The following MAST4 variants were observed in gnomAD, a reference collection of about 807,000 sequenced individuals.
MAST4 encodes microtubule-associated serine/threonine-protein kinase 4.
Under a neutral mutation model 162.7 loss-of-function variants are expected in MAST4, and 89 were observed. That is an observed-to-expected ratio of 0.55 (90% CI 0.46 to 0.65). The LOEUF is 0.65. MAST4 is among the 30% of genes least tolerant of loss of function. The pLI, the probability that MAST4 is intolerant of heterozygous loss-of-function variation, is 0.00. For synonymous variants in MAST4, 1,479 were observed against 1,361.1 expected (o/e 1.09, Z -1.91); for missense variants, 3,153 against 3,374.0 (o/e 0.93, Z 1.62).
At chr5:66,697,187 G>T (rs1202999163) in intron 1 of MAST4, among the ~76,000 whole-genome samples, 1 of 152,102 alleles carries the variant, frequency 6.6e-6, no homozygotes, top group Non-Finnish European at 1.5e-5. Flanking sequence ...TGAAAATTAG[G>T]GTTTTGGAAA....
At chr5:66,788,839 C>A (rs766386613) in intron 3 of MAST4, 45 bp downstream of exon 3, 3 of 1,503,896 alleles carry the variant, frequency 2.0e-6, no homozygotes, top group South Asian at 1.4e-5. Flanking sequence ...AGCTCACCAC[C>A]TCTCTAGGGA....
intron 4 of MAST4, among the ~76,000 whole-genome samples, chr5:67,003,001 A>T (rs976664942): frequency 3.3e-5 from 5 of 150,738 alleles, no homozygotes; most frequent in Admixed American, 2.0e-4. Flanking sequence ...CCAATGCTCA[A>T]GAAAGCTCCT....
rs1742205904 is a variant in MAST4 at position 66,596,798 on chromosome 5, T to C, written c.143T>C (p.Leu48Pro). The stretch of plus-strand genomic sequence containing the variant: ...GAGTCCTCCTCGGGCTCAGAAACTC[T>C]GTCGGAGGAAGGGGAGCCCGGCGGC... ...SAESSSGSETLSEEGEPGGFS... is the reference protein window; with the variant it reads ...SAESSSGSETPSEEGEPGGFS... Residue 48 changes from leucine to proline, a missense_variant, in exon 1 of 29, where the codon CTG (leucine) becomes CCG (proline). By Grantham distance (98) the Leu-to-Pro change is moderately conservative. This residue lies in a region of MAST4 where 327 missense variants were observed against 336.5 expected (regional missense o/e 0.97). Coordinates refer to ENST00000403625, the MANE Select transcript of MAST4 (RefSeq NM_001164664.2). The C allele has an allele frequency of 1.5e-6, 2 of 1,334,948 alleles. No homozygotes were observed. Among genetic ancestry groups the C allele is most frequent in the Non-Finnish European group, 9.6e-7 (1 of 1,039,850 alleles). The allele number at this position is 1,334,948 out of a possible 1,614,324, so 82.7% of individuals were successfully genotyped here.
At chr5:66,637,006 G>C (rs1268703115) in intron 1 of MAST4, among the ~76,000 whole-genome samples, 1 of 152,216 alleles carries the variant, frequency 6.6e-6, no homozygotes, top group Non-Finnish European at 1.5e-5. Context: ...ATGACCTGGA[G>C]ATAATGCCAC....
intron 5 of MAST4, among the ~76,000 whole-genome samples, chr5:67,055,501 G>A (rs1190784339): frequency 6.6e-6 from 1 of 152,186 alleles, no homozygotes; most frequent in African/African-American, 2.4e-5. Flanking sequence ...TTCAAGTTGA[G>A]ATTGGGAGTT....
At chr5:66,640,248 C>T (rs1745399695) in intron 1 of MAST4, among the ~76,000 whole-genome samples, 1 of 151,672 alleles carries the variant, frequency 6.6e-6, no homozygotes, top group Non-Finnish European at 1.5e-5. Context: ...GGCAGAATCT[C>T]TTTCTTGAGG....
At chr5:67,076,923 T>C (rs1761723819) in intron 5 of MAST4, among the ~76,000 whole-genome samples, 1 of 152,152 alleles carries the variant, frequency 6.6e-6, no homozygotes, top group Non-Finnish European at 1.5e-5. Context: ...TAAGTAACTG[T>C]GAGGGGTGGT....
At chr5:66,813,717 A>G (rs1294374499) in intron 3 of MAST4, among the ~76,000 whole-genome samples, 1 of 152,246 alleles carries the variant, frequency 6.6e-6, no homozygotes, top group African/African-American at 2.4e-5. Flanking sequence ...TAGATATTTC[A>G]CCTAATGAGA....
In MAST4 at chr5:66,797,843, G is replaced by A. The variant is rs1403068390; in HGVS notation, c.642+9049G>A. 4.6e-5 allele frequency among the ~76,000 whole-genome samples: 7 copies of A among 152,288 alleles called. No homozygotes were observed. In the South Asian group the frequency reaches 1.0e-3, roughly 23 times the overall value. ...GGGGAGTGGTAGATAAAGGTGGACA[G>A]TGCAGTGGACAATAATGTTTCTTCT... is the stretch of plus-strand genomic sequence containing the variant. On this transcript the variant is annotated intron_variant, in intron 3 of 28. Transcript: ENST00000403625.
At chr5:66,813,297 G>A (rs1261640918) in intron 3 of MAST4, among the ~76,000 whole-genome samples, 1 of 152,154 alleles carries the variant, frequency 6.6e-6, no homozygotes, top group Non-Finnish European at 1.5e-5. Context: ...CTGATTCTGG[G>A]TATAAGCATG....
chr5:66,748,097 G>C (rs1001007515), intron 1 of MAST4, among the ~76,000 whole-genome samples: 2 of 152,102 alleles, frequency 1.3e-5, no homozygotes, highest in African/African-American at 4.8e-5. Flanking sequence ...AGGTATGTGG[G>C]TTATGGTGTT....
intron 3 of MAST4, among the ~76,000 whole-genome samples, chr5:66,813,197 TCAAGA>T (rs1756558280): frequency 6.6e-6 from 1 of 152,340 alleles, no homozygotes; most frequent in African/African-American, 2.4e-5. Context: ...GCTTTTCATC[TCAAGA>T]CTTTTCTATT....
rs371329203 is a variant in MAST4, at chr5:67,012,894, A to C, written c.675-41510A>C. On this transcript the variant is annotated intron_variant, in intron 4 of 28. Coordinates refer to ENST00000403625, the MANE Select transcript of MAST4 (RefSeq NM_001164664.2). The stretch of plus-strand genomic sequence containing the variant: ...TTGAGAAGGTAATTATACTAATATC[A>C]CAACTGACATATCATGGTTTTATTT... 3.3e-5 allele frequency among the ~76,000 whole-genome samples: 5 copies of C among 152,340 alleles called. No individual in the cohort carries two copies. In the East Asian group the frequency reaches 9.6e-4, roughly 29 times the overall value.
At chr5:66,682,677 C>T (rs1748407710) in intron 1 of MAST4, among the ~76,000 whole-genome samples, 1 of 152,186 alleles carries the variant, frequency 6.6e-6, no homozygotes, top group Non-Finnish European at 1.5e-5. Flanking sequence ...CCGTTGGTAG[C>T]AATCTACTTA....
At chr5:66,713,165 T>C (rs1303555721) in intron 1 of MAST4, among the ~76,000 whole-genome samples, 2 of 152,252 alleles carry the variant, frequency 1.3e-5, no homozygotes, top group African/African-American at 4.8e-5. Flanking sequence ...TTTATTTAAA[T>C]ACTAATCTTG....
intron 1 of MAST4, among the ~76,000 whole-genome samples, chr5:66,721,188 A>G (rs115525039): frequency 0.019 from 2,909 of 152,038 alleles, 92 homozygotes; most frequent in African/African-American, 0.065. Context: ...TCTTGCCCCC[A>G]CTTTCTCATC....
chr5:67,049,029 ATATATATATATACGTG>A (rs1561576311), intron 4 of MAST4, among the ~76,000 whole-genome samples: 21 of 115,354 alleles, frequency 1.8e-4, no homozygotes, highest in African/African-American at 2.5e-4. Flanking sequence ...ATACGTATAT[ATATATATATATACGTG>A]TATATATATA....
intron 1 of MAST4, among the ~76,000 whole-genome samples, chr5:66,752,790 C>A (rs1326676242): frequency 2.0e-5 from 3 of 150,226 alleles, no homozygotes; most frequent in African/African-American, 7.3e-5. Context: ...CTGCACCAAG[C>A]GGACCTAATA....
chr5:66,963,882 A>G lies in MAST4; in HGVS notation c.674+63900A>G, dbSNP rs1217523031. 3.9e-6 allele frequency: 3 copies of G among 770,622 alleles called. No individual in the cohort carries two copies. The African/African-American group carries it at 5.1e-5, about 13-fold the overall frequency. 47.7% of individuals were successfully genotyped at this position (770,622 alleles called of 1,614,324 possible). ...TTGATTACTTCAGACTCTGCAATCCACAATCCACAGGGTGAGGAAACTGGT... is the reference window on the plus strand; with the variant it reads ...TTGATTACTTCAGACTCTGCAATCCGCAATCCACAGGGTGAGGAAACTGGT... On this transcript the variant is annotated intron_variant, in intron 4 of 28. Coordinates refer to ENST00000403625, the MANE Select transcript of MAST4 (RefSeq NM_001164664.2).
Sources: allele counts gnomAD v4.1 joint callset (sites outside exome capture counted in the v4.1 genomes callset), GRCh38; gene constraint gnomAD v4.1.1; regional missense constraint gnomAD v4.1.1; transcripts MANE v1.5; gene names NCBI Gene and HGNC (gene_info 2026-07-23, HGNC 2026-07-21).